PUS7: variants seen among roughly 807,000 people sequenced by gnomAD.
PUS7 encodes pseudouridine synthase 7.
PUS7 carries 48 observed loss-of-function variants against 79.8 expected under a neutral mutation model. That is an observed-to-expected ratio of 0.60 (90% confidence interval 0.48 to 0.76). PUS7 has a LOEUF of 0.76. Ranked by LOEUF, PUS7 falls within the 30% of genes least tolerant of loss-of-function variation. The pLI is 0.00. For missense variants in PUS7, 729 were observed against 797.6 expected, an observed-to-expected ratio of 0.91 and a Z score of 1.04; for synonymous variants, 286 against 272.2, an observed-to-expected ratio of 1.05 and a Z score of -0.50.
intron 5 of PUS7, among the ~76,000 whole-genome samples, chr7:105,495,598 A>G (rs1824980168): frequency 6.6e-6 from 1 of 152,046 alleles, no homozygotes; most frequent in Non-Finnish European, 1.5e-5. Context: ...CACTAAAAAT[A>G]GCCAGGCATG....
chr7:105,481,824 C>T (rs112744177), intron 8 of PUS7, among the ~76,000 whole-genome samples: 2 of 151,740 alleles, frequency 1.3e-5, no homozygotes, highest in African/African-American at 4.8e-5. Flanking sequence ...TCTGCCTCCT[C>T]GGTTCACGCC....
intron 9 of PUS7, among the ~76,000 whole-genome samples, chr7:105,472,622 A>AC (rs939474666): frequency 6.6e-6 from 1 of 152,236 alleles, no homozygotes; most frequent in African/African-American, 2.4e-5. Flanking sequence ...TGCCAAAAGA[A>AC]CTTTCAAAAA....
intron 7 of PUS7, among the ~76,000 whole-genome samples, chr7:105,485,334 C>T (rs919099815): frequency 3.3e-5 from 5 of 152,106 alleles, no homozygotes; most frequent in Admixed American, 6.5e-5. Context: ...CTCGGCCTCC[C>T]GAGTAGCTGG....
intron 15 of PUS7, 91 bp downstream of exon 15, chr7:105,459,077 G>C: frequency 1.5e-6 from 1 of 669,072 alleles, no homozygotes; most frequent in Non-Finnish European, 2.5e-6. Flanking sequence ...TGGTGGTAGT[G>C]CTTGTAAGAG....
chr7:105,481,023 A>G (rs1241021193), intron 9 of PUS7, 29 bp downstream of exon 9: 6 of 1,598,116 alleles, frequency 3.8e-6, no homozygotes, highest in South Asian at 3.4e-5. Flanking sequence ...TGAGAAAGCT[A>G]TTTTTGATAA....
At chr7:105,505,341 G>A (rs1049013167) in intron 4 of PUS7, among the ~76,000 whole-genome samples, 1 of 152,150 alleles carries the variant, frequency 6.6e-6, no homozygotes, top group Non-Finnish European at 1.5e-5. Context: ...ATTCTACTTA[G>A]TAGCTGAGCT....
intron 5 of PUS7, among the ~76,000 whole-genome samples, chr7:105,500,799 A>G (rs1489936144): frequency 6.6e-6 from 1 of 152,182 alleles, no homozygotes; most frequent in Non-Finnish European, 1.5e-5. Context: ...ATCACTTTCC[A>G]CTGGGCTTAC....
intron 8 of PUS7, 134 bp downstream of exon 8, chr7:105,482,178 G>A (rs1407300460): frequency 4.9e-5 from 52 of 1,062,052 alleles, no homozygotes; most frequent in African/African-American, 6.4e-5. Flanking sequence ...GCCAGGCCCT[G>A]CTCTGCCCTC....
intron 6 of PUS7, among the ~76,000 whole-genome samples, chr7:105,492,164 G>A (rs1824809983): frequency 2.0e-5 from 3 of 152,216 alleles, no homozygotes; most frequent in East Asian, 3.9e-4. Context: ...TTACTGGGGA[G>A]GCCTGAGGCA....
intron 12 of PUS7, among the ~76,000 whole-genome samples, chr7:105,465,953 T>C (rs1823625776): frequency 6.6e-6 from 1 of 150,760 alleles, no homozygotes; most frequent in African/African-American, 2.4e-5. Context: ...AGCCCAGGAG[T>C]TCCAGAGCAG....
intron 6 of PUS7, among the ~76,000 whole-genome samples, chr7:105,493,506 G>C (rs6965760): frequency 0.15 from 23,232 of 152,176 alleles, 1,799 homozygotes; most frequent in South Asian, 0.19. Flanking sequence ...TACTTAATTG[G>C]GTACTGTGTA....
At chr7:105,459,145 A>G in intron 15 of PUS7, 23 bp downstream of exon 15, 1 of 1,483,792 alleles carries the variant, frequency 6.7e-7, no homozygotes, top group Non-Finnish European at 9.3e-7. Flanking sequence ...GTCAACACAG[A>G]GCTGATGACT....
chr7:105,465,487 T>C, intron 12 of PUS7, 73 bp from the exon 13 acceptor site: 3 of 1,129,536 alleles, frequency 2.7e-6, no homozygotes, highest in South Asian at 2.7e-5. Flanking sequence ...TCTAAAATTA[T>C]ATACATCTAA....
intron 11 of PUS7, 106 bp from the exon 12 acceptor site, chr7:105,468,569 G>A: frequency 9.8e-7 from 1 of 1,024,048 alleles, no homozygotes; most frequent in East Asian, 2.7e-5. Flanking sequence ...CCAGGCTGGA[G>A]TGCAGTGGCA....
chr7:105,479,057 G>A (rs972356424), intron 9 of PUS7, among the ~76,000 whole-genome samples: 10 of 152,112 alleles, frequency 6.6e-5, no homozygotes, highest in Admixed American at 3.3e-4. Flanking sequence ...TTTTATCAAT[G>A]TCCTCTGACC....
intron 8 of PUS7, 123 bp downstream of exon 8, chr7:105,482,189 C>T: frequency 8.4e-7 from 1 of 1,186,230 alleles, no homozygotes; most frequent in Non-Finnish European, 1.2e-6. Flanking sequence ...CTCTGCCCTC[C>T]CTTGCTGCCA....
chr7:105,476,382 A>G (rs1317412649), intron 9 of PUS7, among the ~76,000 whole-genome samples: 1 of 152,094 alleles, frequency 6.6e-6, no homozygotes, highest in Admixed American at 6.6e-5. Context: ...TTTTTGAGAC[A>G]GAGTCTCGCT....
chr7:105,477,288 C>T (rs1390892397), intron 9 of PUS7, among the ~76,000 whole-genome samples: 1 of 151,960 alleles, frequency 6.6e-6, no homozygotes, highest in Non-Finnish European at 1.5e-5. Flanking sequence ...CACTCTGTCG[C>T]CCAGGCTGGA....
At chr7:105,471,552 C>T (rs970122748) in intron 10 of PUS7, among the ~76,000 whole-genome samples, 2 of 152,212 alleles carry the variant, frequency 1.3e-5, no homozygotes, top group Non-Finnish European at 2.9e-5. Context: ...GTGCTCACGC[C>T]TGTAATCCTA....
Sources: gnomAD v4.1 joint callset for allele counts (sites outside exome capture counted in the v4.1 genomes callset) on GRCh38, gnomAD v4.1.1 for gene constraint, MANE v1.5 for transcripts, NCBI Gene and HGNC (gene_info 2026-07-23, HGNC 2026-07-21) for gene names.